The following ADAM18 variants were observed in gnomAD, a reference collection of about 807,000 sequenced individuals.
ADAM18 encodes ADAM metallopeptidase domain 18, also known as disintegrin and metalloproteinase domain-containing protein 18.
In ADAM18, 117 loss-of-function variants were observed where a neutral mutation model predicts 94.4. The observed-to-expected ratio is 1.24, with a 90% CI of 1.07 to 1.45. The LOEUF is 1.45. Ranked by LOEUF, ADAM18 falls within the 40% of genes most tolerant of loss-of-function variation. The pLI is 0.00. For missense variants in ADAM18, 936 were observed against 880.0 expected, an observed-to-expected ratio of 1.06 and a Z score of -0.81; for synonymous variants, 327 against 291.6, an observed-to-expected ratio of 1.12 and a Z score of -1.24.
At chr8:39,721,150 T>C (rs1822733048) in intron 18 of ADAM18, among the ~76,000 whole-genome samples, 1 of 151,348 alleles carries the variant, frequency 6.6e-6, no homozygotes. Flanking sequence ...TTATATAACA[T>C]TTAAAATCTG....
At chr8:39,658,352 T>G (rs1269331290) in intron 12 of ADAM18, among the ~76,000 whole-genome samples, 3 of 152,110 alleles carry the variant, frequency 2.0e-5, no homozygotes, top group African/African-American at 7.2e-5. Context: ...TATACCACAT[T>G]ATTCAGATGC....
Position 39,730,000 on chromosome 8 carries a change from CT to C in ADAM18, c.*62del. 4 of 1,506,058 alleles carry C rather than the reference CT, an allele frequency of 2.7e-6. No individual in the cohort carries two copies. Among genetic ancestry groups the C allele is most frequent in the Non-Finnish European group, 2.8e-6 (3 of 1,083,714 alleles). The allele number at this position is 1,506,058 out of a possible 1,614,324, so 93.3% of individuals were successfully genotyped here. ...GGAACGAATGTGCTTTATTTATAAC[CT>C]TACGTTATCCCCAATGCATTGTAAA... On this transcript the variant is annotated 3_prime_UTR_variant, in exon 20 of 20. Transcript: ENST00000265707.
At chr8:39,663,544 T>A (rs1412997851) in intron 12 of ADAM18, among the ~76,000 whole-genome samples, 1 of 135,984 alleles carries the variant, frequency 7.4e-6, no homozygotes, top group African/African-American at 2.8e-5. Context: ...GGCTGCAGTG[T>A]GTCATGATCA....
At position 39,641,220 on chromosome 8, in the gene ADAM18, A is replaced by G. The variant is rs531788689; in HGVS notation, c.909+2674A>G. On this transcript the variant is annotated intron_variant, in intron 10 of 19. Coordinates refer to ENST00000265707, the MANE Select transcript of ADAM18 (RefSeq NM_014237.3). ...GGGGTCCAGTTTCATTCTTCTGCTT[A>G]TGGCTAGCCAGTTCTCCCAGCACCA... 2.0e-5 allele frequency among the ~76,000 whole-genome samples: 3 copies of G among 152,068 alleles called. No individual in the cohort carries two copies. The South Asian group carries it at 6.2e-4, about 32-fold the overall frequency.
intron 18 of ADAM18, among the ~76,000 whole-genome samples, chr8:39,712,108 A>G (rs1006525576): frequency 6.6e-6 from 1 of 151,738 alleles, no homozygotes; most frequent in Non-Finnish European, 1.5e-5. Flanking sequence ...GGCTAAAACA[A>G]TAAAACAATA....
rs752428502 is a variant in ADAM18 at position 39,723,733 on chromosome 8, A to T, written c.2018-15A>T. Reference sequence around the variant, plus strand: ...CACTGAGTCCCCACTAATTTATCATATGATTCATTTCTAGGTGACTTTTAT... The same window carrying T: ...CACTGAGTCCCCACTAATTTATCATTTGATTCATTTCTAGGTGACTTTTAT... On this transcript the variant is annotated splice_polypyrimidine_tract_variant and intron_variant, in intron 18 of 19. Coordinates refer to ENST00000265707, the MANE Select transcript of ADAM18 (RefSeq NM_014237.3). 2 of 1,444,230 alleles carry T rather than the reference A, an allele frequency of 1.4e-6. No homozygotes were observed. Among genetic ancestry groups the T allele is most frequent in the Non-Finnish European group, 1.8e-6 (2 of 1,092,142 alleles). 89.5% of individuals were successfully genotyped at this position (1,444,230 alleles called of 1,614,324 possible). A position where few individuals can be genotyped will look rare whatever the true frequency, so the allele number is the denominator to read the frequency against.
intron 2 of ADAM18, among the ~76,000 whole-genome samples, chr8:39,595,177 AC>A (rs1316213027): frequency 6.6e-5 from 10 of 151,684 alleles, no homozygotes; most frequent in Non-Finnish European, 1.5e-4. Flanking sequence ...TTCTCCCCTA[AC>A]CCCATGCTGT....
At chr8:39,610,857 T>G (rs1819253366) in intron 6 of ADAM18, 151 bp downstream of exon 6, 1 of 1,276,270 alleles carries the variant, frequency 7.8e-7, no homozygotes, top group Admixed American at 3.8e-5. Flanking sequence ...AAACTTCATC[T>G]AAAATATTTG....
At chr8:39,706,073 T>C (rs1822234615) in intron 17 of ADAM18, among the ~76,000 whole-genome samples, 1 of 152,142 alleles carries the variant, frequency 6.6e-6, no homozygotes, top group Non-Finnish European at 1.5e-5. Context: ...ACTTTTATTG[T>C]TTGAATTTTA....
chr8:39,610,114 A>C (rs1333756765), intron 5 of ADAM18, among the ~76,000 whole-genome samples: 1 of 152,082 alleles, frequency 6.6e-6, no homozygotes. Flanking sequence ...AGTCACATCA[A>C]CTCAGAAACT....
Position 39,680,231 on chromosome 8 carries a change from C to A in ADAM18, c.1821+5C>A, listed in dbSNP as rs753819770. On this transcript the variant is annotated splice_donor_5th_base_variant and intron_variant, in intron 16 of 19. Transcript: ENST00000265707. ...ACCATGTGTGGTCCAGAAATGGTAACAAAATGTGATAATTTATATTCAGCT... is the reference window on the plus strand; with the variant it reads ...ACCATGTGTGGTCCAGAAATGGTAAAAAAATGTGATAATTTATATTCAGCT... 3.1e-6 allele frequency: 5 copies of A among 1,604,882 alleles called. No homozygotes were observed. The highest frequency in any genetic ancestry group is 2.2e-5 in the East Asian group (1 of 44,760).
chr8:39,711,745 C>T (rs1352387333), intron 18 of ADAM18, among the ~76,000 whole-genome samples: 2 of 151,892 alleles, frequency 1.3e-5, no homozygotes, highest in African/African-American at 4.8e-5. Flanking sequence ...GAGATTTGAT[C>T]AGGGCCCAAG....
intron 6 of ADAM18, among the ~76,000 whole-genome samples, chr8:39,627,578 C>A (rs191471037): frequency 3.3e-5 from 5 of 152,150 alleles, no homozygotes; most frequent in Admixed American, 2.0e-4. Flanking sequence ...TCTTTTCCAC[C>A]CCTTTGCCTT....
intron 10 of ADAM18, among the ~76,000 whole-genome samples, chr8:39,641,311 G>A (rs1820229980): frequency 6.6e-6 from 1 of 151,888 alleles, no homozygotes; most frequent in African/African-American, 2.4e-5. Flanking sequence ...GTATGTGTGT[G>A]GTCTTATTTC....
At chr8:39,607,814 T>G (rs1042391918) in intron 3 of ADAM18, among the ~76,000 whole-genome samples, 7 of 77,290 alleles carry the variant, frequency 9.1e-5, no homozygotes, top group Non-Finnish European at 1.4e-4. Context: ...TGCATTCTGG[T>G]TTTTTTTTTT....
intron 14 of ADAM18, among the ~76,000 whole-genome samples, chr8:39,669,156 A>G (rs1347752112): frequency 6.6e-6 from 1 of 151,760 alleles, no homozygotes; most frequent in African/African-American, 2.4e-5. Context: ...ATTAAATAAT[A>G]CTTTCTGTAA....
Position 39,638,535 on chromosome 8 carries a change from G to T in ADAM18, c.898G>T (p.Gly300Cys). The T allele has an allele frequency of 6.4e-7, 1 of 1,565,100 alleles. No individual in the cohort carries two copies. The highest frequency in any genetic ancestry group is 8.7e-7 in the Non-Finnish European group (1 of 1,153,070). Residue 300 changes from glycine to cysteine, a missense_variant, in exon 10 of 20, where the codon GGT becomes TGT. Transcript: ENST00000265707. ...GTVCNKSYDA[G>C]IAMYPDAIGL... is the part of the protein sequence containing the mutation. The stretch of plus-strand genomic sequence containing the variant: ...TGTATGCAATAAAAGCTATGATGCA[G>T]GTATTGCTATGGTATGTAATTTTTA...
chr8:39,609,170 A>ACT, intron 4 of ADAM18, 50 bp downstream of exon 4: 11 of 1,194,670 alleles, frequency 9.2e-6, no homozygotes, highest in South Asian at 1.4e-5. Flanking sequence ...TATTATTACC[A>ACT]TTAGAATGTG....
chr8:39,628,872 A>G (rs1386923915), intron 6 of ADAM18, among the ~76,000 whole-genome samples: 1 of 152,108 alleles, frequency 6.6e-6, no homozygotes, highest in African/African-American at 2.4e-5. Flanking sequence ...GTCATTTGAT[A>G]TAAAGCAATA....
Sources: allele counts gnomAD v4.1 joint callset (sites outside exome capture counted in the v4.1 genomes callset), GRCh38; gene constraint gnomAD v4.1.1; transcripts MANE v1.5; gene names NCBI Gene and HGNC (gene_info 2026-07-23, HGNC 2026-07-21).